Variants in PPARGC1B observed in about 807,000 individuals in gnomAD.
PPARGC1B encodes the protein peroxisome proliferator-activated receptor gamma coactivator 1-beta.
A neutral mutation model predicts 101.6 loss-of-function variants in PPARGC1B; 34 were observed. That is an observed-to-expected ratio of 0.33 (90% CI 0.25 to 0.45). The LOEUF (loss-of-function observed/expected upper bound fraction) is 0.45. PPARGC1B is among the 20% of genes least tolerant of loss of function. The probability of loss-of-function intolerance (pLI) is 1.00; values close to 1 mark genes in which losing one functional copy is unlikely to be tolerated. For missense variants in PPARGC1B, 1,234 were observed against 1,317.6 expected (o/e 0.94, Z 0.98); for synonymous variants, 548 against 539.3 (o/e 1.02, Z -0.22).
rs1180823879 is a variant in PPARGC1B, at chr5:149,851,820, T to G, written c.*4262T>G. On this transcript the variant is annotated 3_prime_UTR_variant, in exon 12 of 12. Coordinates refer to ENST00000309241, the MANE Select transcript of PPARGC1B (RefSeq NM_133263.4). ...ATGTGTCCTTGGCCCAGAACCACCA[T>G]GGGATGGGGGAGGCCCTGAGCCGGC... 1 of 152,122 alleles carries G rather than the reference T, an allele frequency of 6.6e-6. No individual in the cohort carries two copies. The highest frequency in any genetic ancestry group is 2.4e-5 in the African/African-American group (1 of 41,394). The allele number at this position is 152,122 out of a possible 1,614,324, so 9.4% of individuals were successfully genotyped here. A position where few individuals can be genotyped will look rare whatever the true frequency, so the allele number is the denominator to read the frequency against.
chr5:149,730,491 G>A lies in PPARGC1B; in HGVS notation c.78+71G>A. 7.9e-7 allele frequency: 1 copy of A among 1,272,820 alleles called. No individual in the cohort carries two copies. Among genetic ancestry groups the A allele is most frequent in the African/African-American group, 1.6e-5 (1 of 63,976 alleles). 78.8% of individuals were successfully genotyped at this position (1,272,820 alleles called of 1,614,324 possible). A position where few individuals can be genotyped will look rare whatever the true frequency, so the allele number is the denominator to read the frequency against. On this transcript the variant is annotated intron_variant, in intron 1 of 11. Transcript: ENST00000309241. The surrounding 1 kb of genome is among the most constrained non-coding windows in gnomAD (Gnocchi z 4.0). Reference sequence around the variant, plus strand: ...TGCGGGGGCCGCAGCTGCAGCCGCGGAGGCCGGGAGGCAGCGGTGGGAGCC... The same window carrying A: ...TGCGGGGGCCGCAGCTGCAGCCGCGAAGGCCGGGAGGCAGCGGTGGGAGCC...
chr5:149,804,134 G>C (rs1757519890), intron 1 of PPARGC1B, among the ~76,000 whole-genome samples: 1 of 152,256 alleles, frequency 6.6e-6, no homozygotes, highest in Non-Finnish European at 1.5e-5. Flanking sequence ...GGTAAAGGGG[G>C]GTTAGTGTGA....
chr5:149,741,499 A>C (rs1021992285), intron 1 of PPARGC1B, among the ~76,000 whole-genome samples: 14 of 152,362 alleles, frequency 9.2e-5, no homozygotes, highest in African/African-American at 3.4e-4. Context: ...TTGCAGAAGC[A>C]GACTACTGGG....
chr5:149,824,912 G>A (rs949127151), intron 2 of PPARGC1B, among the ~76,000 whole-genome samples: 3 of 152,182 alleles, frequency 2.0e-5, no homozygotes, highest in African/African-American at 4.8e-5. Flanking sequence ...TTCCCCCTTC[G>A]AACTACTCAG....
At chr5:149,810,129 T>C (rs915027910) in intron 1 of PPARGC1B, among the ~76,000 whole-genome samples, 1 of 152,210 alleles carries the variant, frequency 6.6e-6, no homozygotes, top group African/African-American at 2.4e-5. Context: ...CCTAACAACA[T>C]GTACCTGTAC....
intron 2 of PPARGC1B, among the ~76,000 whole-genome samples, chr5:149,826,219 T>C (rs1758511926): frequency 6.6e-6 from 1 of 152,138 alleles, no homozygotes; most frequent in Non-Finnish European, 1.5e-5. Flanking sequence ...TGGTTATTAT[T>C]GTCATGGTTG....
intron 9 of PPARGC1B, 61 bp downstream of exon 9, chr5:149,840,177 G>C (rs926001194): frequency 6.6e-7 from 1 of 1,512,140 alleles, no homozygotes; most frequent in Non-Finnish European, 9.0e-7. Context: ...GTGTGTGGGG[G>C]CTTCATGGAC....
chr5:149,749,000 C>T (rs1259578643), intron 1 of PPARGC1B, among the ~76,000 whole-genome samples: 1 of 150,744 alleles, frequency 6.6e-6, no homozygotes, highest in East Asian at 2.0e-4. Context: ...CTGCACCGCT[C>T]CTCCCCAGGC....
rs1481622240 is a variant in PPARGC1B, at chr5:149,730,969, T to G, written c.78+549T>G. 2.0e-5 allele frequency among the ~76,000 whole-genome samples: 3 copies of G among 152,154 alleles called. No homozygotes were observed. The highest frequency in any genetic ancestry group is 2.1e-4 in the South Asian group (1 of 4,822). On this transcript the variant is annotated intron_variant, in intron 1 of 11. Transcript: ENST00000309241. This position sits in a 1 kb window ranked among gnomAD's most constrained non-coding sequence, Gnocchi z 4.0. ...TCCTGCCAGTTGCCGGCTAAAGGCA[T>G]AAGGGTCTGCGGGGCACGTGGACAT...
At chr5:149,785,419 AAATG>A (rs1482618999) in intron 1 of PPARGC1B, among the ~76,000 whole-genome samples, 2 of 152,230 alleles carry the variant, frequency 1.3e-5, no homozygotes, top group Non-Finnish European at 2.9e-5. Context: ...TGGGAGAATC[AAATG>A]AGAGAGCCTA....
chr5:149,786,049 A>C (rs1289097006), intron 1 of PPARGC1B, among the ~76,000 whole-genome samples: 1 of 151,086 alleles, frequency 6.6e-6, no homozygotes, highest in East Asian at 2.0e-4. Flanking sequence ...CCCCATCCCC[A>C]GTAGCTGGGA....
Position 149,820,651 on chromosome 5 carries a change from T to C in PPARGC1B, c.252+45T>C. ...CCCTCCTCCCACCCTGCCAGGCCTC[T>C]CTCTCCTCAAAATCCCGGCTCTGCC... On this transcript the variant is annotated intron_variant, in intron 2 of 11. Coordinates refer to ENST00000309241, the MANE Select transcript of PPARGC1B (RefSeq NM_133263.4). The C allele has an allele frequency of 1.3e-6, 2 of 1,565,886 alleles. 1 individual carries two copies. The highest frequency in any genetic ancestry group is 2.3e-5 in the South Asian group (2 of 88,836).
chr5:149,769,800 T>A (rs974166941), intron 1 of PPARGC1B, among the ~76,000 whole-genome samples: 1 of 152,194 alleles, frequency 6.6e-6, no homozygotes, highest in Admixed American at 6.5e-5. Flanking sequence ...CCCACATTCC[T>A]TGGCTTGTGG....
Position 149,854,387 on chromosome 5 carries a change from T to TTGTGTG in PPARGC1B, c.*6844_*6849dup, listed in dbSNP as rs143978112. 4 of 149,214 alleles carry TTGTGTG rather than the reference T, an allele frequency of 2.7e-5. No individual in the cohort carries two copies. Among genetic ancestry groups the TTGTGTG allele is most frequent in the African/African-American group, 7.4e-5 (3 of 40,750 alleles). 9.2% of individuals were successfully genotyped at this position (149,214 alleles called of 1,614,324 possible). On this transcript the variant is annotated 3_prime_UTR_variant, in exon 12 of 12. Transcript: ENST00000309241. ...CACGTCTGTGCCTGTGTGTGTGTGTTTGTGTGTGTGTGTGTGTGTGGAATT... is the reference window on the plus strand; with the variant it reads ...CACGTCTGTGCCTGTGTGTGTGTGTTTGTGTGTGTGTGTGTGTGTGTGTGTGGAATT...
At chr5:149,823,504 C>T (rs947755991) in intron 2 of PPARGC1B, among the ~76,000 whole-genome samples, 2 of 152,178 alleles carry the variant, frequency 1.3e-5, no homozygotes, top group South Asian at 2.1e-4. Flanking sequence ...TCGTTTTCCT[C>T]CTGCTTGAGA....
intron 1 of PPARGC1B, among the ~76,000 whole-genome samples, chr5:149,731,157 G>A (rs1309361120): frequency 6.6e-6 from 1 of 152,056 alleles, no homozygotes; most frequent in Non-Finnish European, 1.5e-5. Context: ...GGGAAGGCGA[G>A]GCGGAGTCCC....
Position 149,768,118 on chromosome 5 carries a change from G to A in PPARGC1B, c.78+37698G>A, listed in dbSNP as rs185465499. Among the ~76,000 whole-genome samples, 6 of 152,200 alleles carry A rather than the reference G, an allele frequency of 3.9e-5. No homozygotes were observed. In the East Asian group the frequency reaches 1.2e-3, roughly 29 times the overall value. On this transcript the variant is annotated intron_variant, in intron 1 of 11. Coordinates refer to ENST00000309241, the MANE Select transcript of PPARGC1B (RefSeq NM_133263.4). The stretch of plus-strand genomic sequence containing the variant: ...TCGCTGCAGAAAACCCTGCTTCACA[G>A]GGATAGGATGTTGGAAATAGAAGCA...
Position 149,777,784 on chromosome 5 carries a change from AACACACAC to A in PPARGC1B, c.79-42613_79-42606del, listed in dbSNP as rs4039101. Among the ~76,000 whole-genome samples the A allele has an allele frequency of 2.0e-3, 183 of 91,046 alleles. 3 individuals are homozygous for A. The highest frequency in any genetic ancestry group is 0.014 in the East Asian group (38 of 2,740). The allele number at this position is 91,046 out of a possible 152,430, so 59.7% of individuals were successfully genotyped here. On this transcript the variant is annotated intron_variant, in intron 1 of 11. Coordinates refer to ENST00000309241, the MANE Select transcript of PPARGC1B (RefSeq NM_133263.4). ...GTAGAGATTTAAAAACTGTCTTTGT[AACACACAC>A]ACACACACACACACACACACACACA...
Position 149,848,519 on chromosome 5 carries a change from G to T in PPARGC1B, c.*961G>T, listed in dbSNP as rs1012594498. 1 of 152,234 alleles carries T rather than the reference G, an allele frequency of 6.6e-6. No individual in the cohort carries two copies. The highest frequency in any genetic ancestry group is 2.4e-5 in the African/African-American group (1 of 41,454). 9.4% of individuals were successfully genotyped at this position (152,234 alleles called of 1,614,324 possible). A position where few individuals can be genotyped will look rare whatever the true frequency, so the allele number is the denominator to read the frequency against. On this transcript the variant is annotated 3_prime_UTR_variant, in exon 12 of 12. Coordinates refer to ENST00000309241, the MANE Select transcript of PPARGC1B (RefSeq NM_133263.4). Reference sequence around the variant, plus strand: ...AGACACCGTTTCAGGGACTGGTAGAGGTGAGTTCGGCTAAATTGGGCACCG... The same window carrying T: ...AGACACCGTTTCAGGGACTGGTAGATGTGAGTTCGGCTAAATTGGGCACCG...
Sources: gnomAD v4.1 joint callset for allele counts (sites outside exome capture counted in the v4.1 genomes callset) on GRCh38, gnomAD v4.1.1 for gene constraint, Gnocchi (gnomAD v3.1) non-coding constraint, MANE v1.5 for transcripts, NCBI Gene and HGNC (gene_info 2026-07-23, HGNC 2026-07-21) for gene names.